ACYP2: variants seen among roughly 807,000 people sequenced by gnomAD.
ACYP2 encodes the protein acylphosphatase-2.
ACYP2 carries 12 observed loss-of-function variants against 11.2 expected under a neutral mutation model. That is an observed-to-expected ratio of 1.08 (90% CI 0.69 to 1.74). The LOEUF (loss-of-function observed/expected upper bound fraction) is 1.74. Ranked by LOEUF, ACYP2 falls within the 40% of genes most tolerant of loss-of-function variation. The pLI is 0.00. For synonymous variants in ACYP2, 43 were observed against 32.2 expected, an observed-to-expected ratio of 1.33 and a Z score of -1.13; for missense variants, 134 against 101.9, an observed-to-expected ratio of 1.31 and a Z score of -1.35.
intron 6 of ACYP2, among the ~76,000 whole-genome samples, chr2:54,186,096 C>A (rs1397060628): frequency 3.3e-5 from 5 of 151,960 alleles, no homozygotes; most frequent in Non-Finnish European, 7.4e-5. Flanking sequence ...TAGTAGTTAA[C>A]AAAATTGAAT....
At chr2:54,062,608 A>G (rs2103633962) in intron 4 of ACYP2, among the ~76,000 whole-genome samples, 1 of 152,336 alleles carries the variant, frequency 6.6e-6, no homozygotes, top group Non-Finnish European at 1.5e-5. Flanking sequence ...ATATAGCACA[A>G]AGGCAAAGAG....
At chr2:54,095,809 C>G (rs1266097166) in intron 4 of ACYP2, among the ~76,000 whole-genome samples, 3 of 123,968 alleles carry the variant, frequency 2.4e-5, no homozygotes, top group Admixed American at 1.5e-4. Context: ...ACCTCCCTCC[C>G]GGACGGGGCG....
At chr2:54,109,587 A>C (rs929972406) in intron 4 of ACYP2, among the ~76,000 whole-genome samples, 2 of 152,204 alleles carry the variant, frequency 1.3e-5, no homozygotes, top group African/African-American at 4.8e-5. Flanking sequence ...AAATAAAAAA[A>C]ATTATATGCC....
chr2:54,057,392 G>T, intron 4 of ACYP2: 1 of 397,024 alleles, frequency 2.5e-6, no homozygotes, highest in South Asian at 1.3e-4. Context: ...TGATTTTAAT[G>T]AATATCTACC....
intron 4 of ACYP2, among the ~76,000 whole-genome samples, chr2:54,107,810 C>G (rs1323172454): frequency 6.6e-6 from 1 of 152,168 alleles, no homozygotes; most frequent in Non-Finnish European, 1.5e-5. Context: ...TAGAGATCCA[C>G]TTTGAGGCTG....
chr2:53,990,445 T>G lies in ACYP2; in HGVS notation c.62+16635T>G, dbSNP rs111363303. 9.9e-4 allele frequency among the ~76,000 whole-genome samples: 150 copies of G among 151,752 alleles called. 1 individual carries two copies. The highest frequency in any genetic ancestry group is 3.4e-3 in the Middle Eastern group (1 of 290). ...AGGTGGATCACCTGAGGTCAGGAAT[T>G]TGAGACCAGCCTGGCCAACATGGTG... On this transcript the variant is annotated intron_variant, in intron 2 of 6. Transcript: ENST00000607452.
At chr2:54,186,918 T>TA (rs201980996) in intron 6 of ACYP2, among the ~76,000 whole-genome samples, 1,936 of 151,788 alleles carry the variant, frequency 0.013, 45 homozygotes, top group African/African-American at 0.043. Flanking sequence ...GTTCATTAAT[T>TA]AAAAAAAAAT....
At position 54,162,245 on chromosome 2, in the gene ACYP2, A is replaced by G. The variant is rs572299483; in HGVS notation, c.404+23497A>G. Among the ~76,000 whole-genome samples, 6 of 152,344 alleles carry G rather than the reference A, an allele frequency of 3.9e-5. No homozygotes were observed. The East Asian group carries it at 1.2e-3, about 29-fold the overall frequency. On this transcript the variant is annotated intron_variant, in intron 6 of 6. Coordinates refer to ENST00000607452, the MANE Select transcript of ACYP2 (RefSeq NM_001320586.2). ...ACCTCCCTTTATGAATAATGCCAGG[A>G]GAGAAAGTCTCTGAGGATATTATAG... is the stretch of plus-strand genomic sequence containing the variant.
At chr2:54,256,138 T>C (rs1687515855) in intron 6 of ACYP2, 2 of 1,612,062 alleles carry the variant, frequency 1.2e-6, no homozygotes, top group Non-Finnish European at 1.7e-6. Flanking sequence ...GTGAGGACTC[T>C]CCGGGAGGCT....
At chr2:54,102,867 T>G (rs1476083363) in intron 4 of ACYP2, among the ~76,000 whole-genome samples, 1 of 152,158 alleles carries the variant, frequency 6.6e-6, no homozygotes, top group East Asian at 1.9e-4. Context: ...GTTAAATGAT[T>G]CAGCAGTCTC....
chr2:53,977,389 A>G (rs1671547353), intron 2 of ACYP2, among the ~76,000 whole-genome samples: 1 of 151,968 alleles, frequency 6.6e-6, no homozygotes, highest in South Asian at 2.1e-4. Flanking sequence ...TTTATGCAGT[A>G]TTTTACTTCC....
chr2:54,125,958 A>G (rs375704616), intron 4 of ACYP2, among the ~76,000 whole-genome samples: 7 of 148,664 alleles, frequency 4.7e-5, no homozygotes, highest in Admixed American at 6.7e-5. Flanking sequence ...GTGCACGCCT[A>G]TAATCCCAGC....
At chr2:54,189,176 G>T (rs1684134721) in intron 6 of ACYP2, among the ~76,000 whole-genome samples, 1 of 152,148 alleles carries the variant, frequency 6.6e-6, no homozygotes, top group Admixed American at 6.5e-5. Context: ...TTGTGTGTGT[G>T]ATCAGAGCAG....
chr2:54,052,077 T>G (rs1675896008), intron 3 of ACYP2, among the ~76,000 whole-genome samples: 1 of 146,634 alleles, frequency 6.8e-6, no homozygotes, highest in African/African-American at 2.7e-5. Context: ...AATAAATAAA[T>G]AAATAGAGGG....
chr2:54,282,182 A>T (rs1688878763), intron 6 of ACYP2, among the ~76,000 whole-genome samples: 1 of 152,216 alleles, frequency 6.6e-6, no homozygotes, highest in African/African-American at 2.4e-5. Flanking sequence ...TAACAGAAGA[A>T]TATACAAGTT....
At chr2:54,066,513 G>A (rs1676759113) in intron 4 of ACYP2, among the ~76,000 whole-genome samples, 1 of 152,274 alleles carries the variant, frequency 6.6e-6, no homozygotes, top group Admixed American at 6.5e-5. Flanking sequence ...GGAAATTGAG[G>A]TTCACATTTA....
chr2:54,102,996 G>T (rs1439759653), intron 4 of ACYP2, among the ~76,000 whole-genome samples: 1 of 152,140 alleles, frequency 6.6e-6, no homozygotes, highest in African/African-American at 2.4e-5. Flanking sequence ...TGTAGCAGAG[G>T]TATAAAAAAA....
At chr2:53,980,753 T>C (rs1339910053) in intron 2 of ACYP2, among the ~76,000 whole-genome samples, 3 of 138,786 alleles carry the variant, frequency 2.2e-5, no homozygotes, top group Non-Finnish European at 4.6e-5. Flanking sequence ...ATAGGTGTAC[T>C]TTTTTTTTTT....
chr2:54,272,375 C>T (rs551776065), intron 6 of ACYP2, among the ~76,000 whole-genome samples: 63 of 152,280 alleles, frequency 4.1e-4, no homozygotes, highest in African/African-American at 1.5e-3. Context: ...CTATGAGGAA[C>T]TAGGGAGGGA....
Sources: allele counts gnomAD v4.1 joint callset (sites outside exome capture counted in the v4.1 genomes callset), GRCh38; gene constraint gnomAD v4.1.1; transcripts MANE v1.5; gene names NCBI Gene and HGNC (gene_info 2026-07-23, HGNC 2026-07-21).